Variants in C12orf50 observed in about 807,000 individuals in gnomAD.
The protein encoded by C12orf50 is uncharacterized protein C12orf50.
In C12orf50, 35 loss-of-function variants were observed where a neutral mutation model predicts 61.6. The observed-to-expected ratio is 0.57, with a 90% CI of 0.43 to 0.75. C12orf50 has a LOEUF of 0.75. Ranked by LOEUF, C12orf50 falls within the 30% of genes least tolerant of loss-of-function variation. C12orf50 has a pLI of 0.00. For synonymous variants in C12orf50, 178 were observed against 161.5 expected (o/e 1.10, Z -0.77); for missense variants, 475 against 488.5 (o/e 0.97, Z 0.26).
At chr12:88,023,975 C>G (rs376241728) in intron 3 of C12orf50, among the ~76,000 whole-genome samples, 1 of 152,100 alleles carries the variant, frequency 6.6e-6, no homozygotes, top group Admixed American at 6.6e-5. Context: ...GGGAAAAGCA[C>G]GTGAACGCTT....
chr12:88,019,244 T>C (rs150121045), intron 3 of C12orf50, among the ~76,000 whole-genome samples: 1 of 152,218 alleles, frequency 6.6e-6, no homozygotes, highest in African/African-American at 2.4e-5. Flanking sequence ...TCTCATGAGA[T>C]CTGACGATTT....
At chr12:87,987,774 A>G (rs780810843) in intron 9 of C12orf50, 76 bp downstream of exon 9, 1 of 976,426 alleles carries the variant, frequency 1.0e-6, no homozygotes, top group Non-Finnish European at 1.6e-6. Context: ...TTAAAATTCT[A>G]TTTTAAATAA....
At chr12:87,994,522 G>A in intron 7 of C12orf50, 111 bp downstream of exon 7, 1 of 782,540 alleles carries the variant, frequency 1.3e-6, no homozygotes, top group East Asian at 2.6e-5. Flanking sequence ...CCAAACTCTT[G>A]TGTTAAACAT....
chr12:88,009,822 C>CT (rs964007758), intron 3 of C12orf50, among the ~76,000 whole-genome samples: 1 of 152,026 alleles, frequency 6.6e-6, no homozygotes, highest in Non-Finnish European at 1.5e-5. Context: ...TATCTTTTTA[C>CT]TTTTTTATGG....
chr12:87,990,955 A>G (rs1004509437), intron 7 of C12orf50, among the ~76,000 whole-genome samples: 1 of 152,146 alleles, frequency 6.6e-6, no homozygotes, highest in African/African-American at 2.4e-5. Flanking sequence ...TTCAGCATCT[A>G]CATACTGCTT....
At chr12:87,984,152 A>AT (rs1453338895) in intron 11 of C12orf50, 1 of 151,706 alleles carries the variant, frequency 6.6e-6, no homozygotes, top group African/African-American at 2.4e-5. Context: ...GATGATGAGC[A>AT]TTTTTTCATG....
intron 7 of C12orf50, among the ~76,000 whole-genome samples, chr12:87,992,352 C>T (rs1010188244): frequency 6.6e-6 from 1 of 151,808 alleles, no homozygotes; most frequent in African/African-American, 2.4e-5. Flanking sequence ...ATATAGCAAC[C>T]AGGAATAACA....
Position 88,029,398 on chromosome 12 carries a change from T to A in C12orf50, c.-167A>T, listed in dbSNP as rs561597418. 15 of 170,058 alleles carry A rather than the reference T, an allele frequency of 8.8e-5. No homozygotes were observed. The highest frequency in any genetic ancestry group is 3.3e-4 in the African/African-American group (14 of 41,834). The allele number at this position is 170,058 out of a possible 1,614,324, so 10.5% of individuals were successfully genotyped here. Reference sequence around the variant, plus strand: ...TGCTAGTAAGCACACAAACTCAAACTTCTAGAATTTTCCTCATTGTTACCT... The same window carrying A: ...TGCTAGTAAGCACACAAACTCAAACATCTAGAATTTTCCTCATTGTTACCT... On this transcript the variant is annotated 5_prime_UTR_variant, in exon 1 of 13. In the 5' UTR this introduces an upstream ATG that the reference lacks. Coordinates refer to ENST00000298699, the MANE Select transcript of C12orf50 (RefSeq NM_152589.3).
chr12:87,993,494 C>T (rs529568554), intron 7 of C12orf50, among the ~76,000 whole-genome samples: 71 of 152,168 alleles, frequency 4.7e-4, no homozygotes, highest in South Asian at 3.9e-3. Context: ...AAAACAATTA[C>T]AGCTAGACTA....
chr12:88,010,392 TATAATCTTATAATAA>T (rs2032052156), intron 3 of C12orf50, among the ~76,000 whole-genome samples: 1 of 117,426 alleles, frequency 8.5e-6, no homozygotes, highest in African/African-American at 6.1e-5. Flanking sequence ...TTAAAATTAT[TATAATCTTATAATAA>T]GATTATAAGA....
intron 3 of C12orf50, among the ~76,000 whole-genome samples, chr12:88,010,082 G>A (rs4842472): frequency 3.9e-5 from 6 of 151,928 alleles, no homozygotes; most frequent in African/African-American, 7.2e-5. Flanking sequence ...TGTCCAATCC[G>A]TTTCCATAAT....
chr12:87,995,350 A>G (rs1385503600), intron 6 of C12orf50, among the ~76,000 whole-genome samples: 1 of 152,196 alleles, frequency 6.6e-6, no homozygotes, highest in Admixed American at 6.5e-5. Flanking sequence ...AAGGTTATAA[A>G]TGATATTCTA....
chr12:88,022,969 T>A (rs2032571022), intron 3 of C12orf50, among the ~76,000 whole-genome samples: 1 of 152,118 alleles, frequency 6.6e-6, no homozygotes, highest in Admixed American at 6.5e-5. Context: ...TCTATCAAAC[T>A]ACCAATAACA....
At chr12:87,997,616 T>C (rs2031466099) in intron 4 of C12orf50, among the ~76,000 whole-genome samples, 1 of 152,072 alleles carries the variant, frequency 6.6e-6, no homozygotes, top group Non-Finnish European at 1.5e-5. Context: ...CCTGTGTCCA[T>C]GTGTTCTCAT....
chr12:87,998,236 T>C (rs756219770), intron 3 of C12orf50, 46 bp from the exon 4 acceptor site: 5 of 1,493,828 alleles, frequency 3.3e-6, no homozygotes, highest in Non-Finnish European at 4.6e-6. Context: ...ATATATGTGA[T>C]GATAAGTAGA....
intron 3 of C12orf50, among the ~76,000 whole-genome samples, chr12:88,001,889 G>A (rs1555187332): frequency 6.7e-6 from 1 of 149,572 alleles, no homozygotes; most frequent in South Asian, 2.1e-4. Flanking sequence ...TTTTTTTCTT[G>A]GTCAGTCAAG....
chr12:88,007,633 A>G (rs915753661), intron 3 of C12orf50, among the ~76,000 whole-genome samples: 5 of 152,232 alleles, frequency 3.3e-5, no homozygotes, highest in Non-Finnish European at 5.9e-5. Flanking sequence ...AGCCTCTTTT[A>G]TGAAGGCCTT....
chr12:88,029,623 T>C (rs1159716867), upstream of C12orf50, among the ~76,000 whole-genome samples: 2 of 152,192 alleles, frequency 1.3e-5, no homozygotes, highest in Non-Finnish European at 1.5e-5. Flanking sequence ...TAAACTAGTT[T>C]ATACTTTTAT....
At chr12:88,017,044 A>G (rs892363626) in intron 3 of C12orf50, among the ~76,000 whole-genome samples, 10 of 152,244 alleles carry the variant, frequency 6.6e-5, no homozygotes, top group African/African-American at 2.4e-4. Flanking sequence ...AAGCCCCTAA[A>G]GCAGGAACAT....
Sources: gnomAD v4.1 joint callset for allele counts (sites outside exome capture counted in the v4.1 genomes callset) on GRCh38, gnomAD v4.1.1 for gene constraint, MANE v1.5 for transcripts, NCBI Gene and HGNC (gene_info 2026-07-23, HGNC 2026-07-21) for gene names.